NUP98: variants seen among roughly 807,000 people sequenced by gnomAD.
The protein encoded by NUP98 is nucleoporin 98 and 96 precursor.
NUP98 carries 26 observed loss-of-function variants against 191.9 expected under a neutral mutation model. The ratio of observed to expected loss-of-function variants is 0.14; its 90% CI spans 0.10 to 0.19. NUP98 has a LOEUF of 0.19. NUP98 is among the 10% of genes least tolerant of loss of function. The pLI is 1.00. For synonymous variants in NUP98, 808 were observed against 778.4 expected, an observed-to-expected ratio of 1.04 and a Z score of -0.63; for missense variants, 1,941 against 2,178.8, an observed-to-expected ratio of 0.89 and a Z score of 2.17.
chr11:3,757,524 C>T (rs931760259), intron 10 of NUP98, among the ~76,000 whole-genome samples: 1 of 151,770 alleles, frequency 6.6e-6, no homozygotes, highest in African/African-American at 2.4e-5. Flanking sequence ...AAATGCCGAG[C>T]GTGGTGGTTC....
At chr11:3,773,116 A>T (rs2081586242) in intron 6 of NUP98, among the ~76,000 whole-genome samples, 1 of 152,236 alleles carries the variant, frequency 6.6e-6, no homozygotes. Flanking sequence ...AGAACAGATG[A>T]TTAGACTGGG....
At chr11:3,683,701 G>A (rs1468524356) in intron 29 of NUP98, among the ~76,000 whole-genome samples, 1 of 66,584 alleles carries the variant, frequency 1.5e-5, no homozygotes, top group Non-Finnish European at 4.4e-5. Context: ...ACCACACCCC[G>A]CTAATTTTGT....
intron 31 of NUP98, among the ~76,000 whole-genome samples, chr11:3,677,551 A>G (rs2077857183): frequency 6.6e-6 from 1 of 151,792 alleles, no homozygotes; most frequent in Admixed American, 6.6e-5. Flanking sequence ...TGGCACATTG[A>G]TAGTACCCTT....
chr11:3,721,265 T>A (rs761892837), intron 16 of NUP98, among the ~76,000 whole-genome samples: 1 of 152,236 alleles, frequency 6.6e-6, no homozygotes, highest in Admixed American at 6.5e-5. Context: ...TGGAAATAAC[T>A]TGTGTTGGCT....
intron 12 of NUP98, among the ~76,000 whole-genome samples, chr11:3,736,711 G>A (rs1470087603): frequency 6.6e-6 from 1 of 152,168 alleles, no homozygotes; most frequent in Non-Finnish European, 1.5e-5. Context: ...TTGTTTCATT[G>A]TGGAAATATG....
chr11:3,712,126 A>C, intron 20 of NUP98: 1 of 1,059,440 alleles, frequency 9.4e-7, no homozygotes, highest in Non-Finnish European at 1.1e-6. Flanking sequence ...ACAACTTTAA[A>C]AAAATGGAGA....
chr11:3,681,833 C>A (rs184703363), intron 30 of NUP98, among the ~76,000 whole-genome samples: 49 of 152,290 alleles, frequency 3.2e-4, no homozygotes, highest in African/African-American at 1.2e-3. Flanking sequence ...GTTAACTTGT[C>A]CTTTGCAGCT....
In NUP98 at chr11:3,778,930, T is replaced by C. The variant is rs2081852030; in HGVS notation, c.298A>G (p.Ser100Gly). The change falls in exon 4 of 33, where the codon AGT becomes GGT. Residue 100 changes from serine to glycine, a missense_variant. By Grantham distance (56) the Ser-to-Gly change is moderately conservative. Transcript: ENST00000324932. ...GCATTGTTTTGGGATGAGAAGAGAC[T>C]GGTCCCTGTGCTTGCAGTTCCAAAC... is the stretch of plus-strand genomic sequence containing the variant. ...TLFGTASTGT[S>G]LFSSQNNAFA... The C allele has an allele frequency of 2.5e-6, 4 of 1,614,216 alleles. No homozygotes were observed. Among genetic ancestry groups the C allele is most frequent in the Non-Finnish European group, 2.5e-6 (3 of 1,180,052 alleles).
chr11:3,796,772 G>A (rs549512447), intron 1 of NUP98, among the ~76,000 whole-genome samples: 22 of 152,322 alleles, frequency 1.4e-4, no homozygotes, highest in African/African-American at 5.1e-4. Context: ...ACTGATGTAA[G>A]GTAGGGGGAT....
At chr11:3,772,882 G>A (rs139010756) in intron 6 of NUP98, among the ~76,000 whole-genome samples, 7,662 of 151,954 alleles carry the variant, frequency 0.05, 255 homozygotes, top group Middle Eastern at 0.099. Context: ...GGAGGCTGAG[G>A]CACGAGAATT....
chr11:3,700,095 C>T (rs2078628753), intron 24 of NUP98, among the ~76,000 whole-genome samples: 1 of 152,016 alleles, frequency 6.6e-6, no homozygotes, highest in Non-Finnish European at 1.5e-5. Flanking sequence ...ATGGCTCACG[C>T]CTGTAATCCC....
intron 10 of NUP98, among the ~76,000 whole-genome samples, chr11:3,754,699 T>C (rs2080894456): frequency 6.6e-6 from 1 of 152,134 alleles, no homozygotes; most frequent in African/African-American, 2.4e-5. Context: ...CCCAGCACTC[T>C]GGGAGGCCAA....
intron 12 of NUP98, among the ~76,000 whole-genome samples, chr11:3,736,422 G>A (rs900111873): frequency 6.6e-6 from 1 of 152,180 alleles, no homozygotes; most frequent in East Asian, 1.9e-4. Context: ...CTGGGAGGTC[G>A]TGGCGAGCAG....
chr11:3,693,629 G>C (rs2078393666), intron 26 of NUP98, among the ~76,000 whole-genome samples: 2 of 152,120 alleles, frequency 1.3e-5, no homozygotes, highest in Admixed American at 6.6e-5. Context: ...CTGGTGTCAA[G>C]CAATCCTCCC....
At chr11:3,783,409 C>T (rs531125865) in intron 1 of NUP98, among the ~76,000 whole-genome samples, 47 of 152,184 alleles carry the variant, frequency 3.1e-4, no homozygotes, top group East Asian at 7.7e-4. Flanking sequence ...AAAAAAACTG[C>T]TCACCTTGGC....
intron 18 of NUP98, among the ~76,000 whole-genome samples, chr11:3,717,831 G>A (rs1306186808): frequency 6.6e-6 from 1 of 151,874 alleles, no homozygotes; most frequent in Non-Finnish European, 1.5e-5. Context: ...TCTGTATTAT[G>A]ATGATGATGA....
intron 6 of NUP98, among the ~76,000 whole-genome samples, chr11:3,772,153 A>G (rs1242113971): frequency 6.6e-6 from 1 of 152,206 alleles, no homozygotes; most frequent in African/African-American, 2.4e-5. Context: ...AAGAGTCAAT[A>G]TCTTAATCTC....
Position 3,679,615 on chromosome 11 carries a change from G to A in NUP98, c.5012C>T (p.Thr1671Ile), listed in dbSNP as rs2077927081. ...ERSSLIQDWETSGLVYLDYIR... is the reference protein window; with the variant it reads ...ERSSLIQDWEISGLVYLDYIR... ...ATAGTCCAGGTAAACAAGCCCAGATGTTTCCCAATCCTGAATTAGGCTGCT... is the reference window on the plus strand; with the variant it reads ...ATAGTCCAGGTAAACAAGCCCAGATATTTCCCAATCCTGAATTAGGCTGCT... Residue 1671 changes from threonine (T) to isoleucine (I), a missense_variant, in exon 31 of 33, where the codon ACA (threonine) becomes ATA (isoleucine). By Grantham distance (89) the Thr-to-Ile change is moderately conservative. Around this residue, in one of 6 missense-constraint regions of NUP98, gnomAD observed 1,030 missense variants for 1,115.8 expected, o/e 0.92. Coordinates refer to ENST00000324932, the MANE Select transcript of NUP98 (RefSeq NM_016320.5). The A allele has an allele frequency of 1.2e-6, 2 of 1,614,104 alleles. No homozygotes were observed. Among genetic ancestry groups the A allele is most frequent in the South Asian group, 2.2e-5 (2 of 91,092 alleles).
At chr11:3,745,053 T>C (rs1361645383) in intron 11 of NUP98, among the ~76,000 whole-genome samples, 2 of 152,222 alleles carry the variant, frequency 1.3e-5, no homozygotes, top group East Asian at 1.9e-4. Flanking sequence ...ATTAGCACGA[T>C]GTCACAATGT....
Sources: allele counts gnomAD v4.1 joint callset (sites outside exome capture counted in the v4.1 genomes callset), GRCh38; gene constraint gnomAD v4.1.1; regional missense constraint gnomAD v4.1.1; transcripts MANE v1.5; gene names NCBI Gene and HGNC (gene_info 2026-07-23, HGNC 2026-07-21).